KANK4: variants seen among roughly 807,000 people sequenced by gnomAD.
KANK4 encodes the protein KN motif and ankyrin repeat domain-containing protein 4.
Under a neutral mutation model 80.8 loss-of-function variants are expected in KANK4, and 50 were observed. The ratio of observed to expected loss-of-function variants is 0.62; its 90% confidence interval spans 0.49 to 0.78. The LOEUF is 0.78. Ranked by LOEUF, KANK4 falls within the 30% of genes least tolerant of loss-of-function variation. The pLI is 0.00. For synonymous variants in KANK4, 465 were observed against 506.9 expected (o/e 0.92, Z 1.11); for missense variants, 1,196 against 1,240.1 (o/e 0.96, Z 0.53).
intron 2 of KANK4, among the ~76,000 whole-genome samples, chr1:62,276,431 TC>T (rs1343663689): frequency 6.6e-6 from 1 of 152,116 alleles, no homozygotes; most frequent in Non-Finnish European, 1.5e-5. Flanking sequence ...TACTTAGCCT[TC>T]CTATGTCTCA....
chr1:62,247,812 C>T (rs1671508413), intron 8 of KANK4, 140 bp from the exon 9 acceptor site: 1 of 697,462 alleles, frequency 1.4e-6, no homozygotes, highest in African/African-American at 1.8e-5. Flanking sequence ...TGGGACATAA[C>T]CTTCTCTGCT....
At chr1:62,269,144 C>A (rs1350674269) in intron 4 of KANK4, among the ~76,000 whole-genome samples, 3 of 152,258 alleles carry the variant, frequency 2.0e-5, no homozygotes, top group African/African-American at 7.2e-5. Context: ...GCACAGGCCA[C>A]TTGACTCGTG....
At chr1:62,246,045 C>T (rs888191958) in intron 9 of KANK4, among the ~76,000 whole-genome samples, 1 of 152,098 alleles carries the variant, frequency 6.6e-6, no homozygotes, top group African/African-American at 2.4e-5. Context: ...CATTTGATGC[C>T]TCCGTCTCCT....
intron 8 of KANK4, among the ~76,000 whole-genome samples, chr1:62,249,962 C>T (rs1671572611): frequency 6.6e-6 from 1 of 151,878 alleles, no homozygotes. Context: ...CATGAGCCAC[C>T]GTGCCTGACT....
At chr1:62,246,413 A>C (rs945905241) in intron 9 of KANK4, among the ~76,000 whole-genome samples, 5 of 152,156 alleles carry the variant, frequency 3.3e-5, no homozygotes, top group Non-Finnish European at 7.3e-5. Context: ...CCTGCTGGAC[A>C]GCAGAGCTTC....
At chr1:62,247,943 C>T (rs898294088) in intron 8 of KANK4, among the ~76,000 whole-genome samples, 2 of 152,146 alleles carry the variant, frequency 1.3e-5, no homozygotes, top group Admixed American at 1.3e-4. Context: ...AACTTGTCAA[C>T]TTCTCTTTCT....
chr1:62,289,060 C>T (rs1251983093), intron 1 of KANK4, among the ~76,000 whole-genome samples: 1 of 152,164 alleles, frequency 6.6e-6, no homozygotes, highest in Non-Finnish European at 1.5e-5. Context: ...TTGTCCAACT[C>T]GCCTTATTTT....
At position 62,247,519 on chromosome 1, in the gene KANK4, G is replaced by A. The variant is rs375539552; in HGVS notation, c.2836C>T (p.Arg946Trp). 5.9e-5 allele frequency: 96 copies of A among 1,613,958 alleles called. No individual in the cohort carries two copies. Among genetic ancestry groups the A allele is most frequent in the Non-Finnish European group, 8.0e-5 (94 of 1,180,012 alleles). ...ACHHGNVDLV[R>W]LLLAHPACDS... is the part of the protein sequence containing the mutation. ...CAGGCTGGGTGTGCCAGGAGCAGCC[G>A]CACCAGGTCCACGTTGCCATGGTGA... Residue 946 changes from arginine (R) to tryptophan (W), a missense_variant, in exon 9 of 10, where the codon CGG (arginine) becomes TGG (tryptophan). By Grantham distance (101) the Arg-to-Trp change is moderately radical. Transcript: ENST00000371153.
rs1324699941 is a variant in KANK4, at chr1:62,273,401, TG to T, written c.1702del (p.Gln568ArgfsTer37). On this transcript the variant is annotated frameshift_variant, in exon 3 of 10. Coordinates refer to ENST00000371153, the MANE Select transcript of KANK4 (RefSeq NM_181712.5). LOFTEE classifies it high-confidence loss of function. ...ATIGQYVKKI[Q>X]ELLQEQWNCL... is the part of the protein sequence containing the mutation. ...GTTCCACTGCTCCTGCAGGAGCTCC[TG>T]GATCTTCTTCACATACTGCCCAATA... 1 of 1,608,818 alleles carries T rather than the reference TG, an allele frequency of 6.2e-7. No homozygotes were observed. Among genetic ancestry groups the T allele is most frequent in the Non-Finnish European group, 8.5e-7 (1 of 1,176,626 alleles).
intron 1 of KANK4, among the ~76,000 whole-genome samples, chr1:62,306,265 C>T (rs778609934): frequency 6.6e-6 from 1 of 152,192 alleles, no homozygotes; most frequent in Non-Finnish European, 1.5e-5. Flanking sequence ...ATTGGGATTA[C>T]AGGCATGAGT....
At chr1:62,256,580 T>C (rs927943662) in intron 7 of KANK4, among the ~76,000 whole-genome samples, 4 of 152,082 alleles carry the variant, frequency 2.6e-5, no homozygotes, top group African/African-American at 7.2e-5. Flanking sequence ...ATGGGGTTTC[T>C]CCATGTTGGT....
chr1:62,286,522 T>TTCCGAGGAACACATCTAGAGACA (rs1672568122), intron 1 of KANK4, among the ~76,000 whole-genome samples: 2 of 152,254 alleles, frequency 1.3e-5, no homozygotes, highest in East Asian at 1.9e-4. Flanking sequence ...CTGCCATCGC[T>TTCCGAGGAACACATCTAGAGACA]TCCGAGGAAC....
rs1231837358 is a variant in KANK4 at position 62,274,143 on chromosome 1, T to C, written c.961A>G (p.Arg321Gly). The C allele has an allele frequency of 1.2e-6, 2 of 1,614,136 alleles. No homozygotes were observed. Among genetic ancestry groups the C allele is most frequent in the South Asian group, 2.2e-5 (2 of 91,072 alleles). Reference protein sequence around the residue: ...PPPPPVEVDMRSIGIRVTEES... With the variant: ...PPPPPVEVDMGSIGIRVTEES... Reference sequence around the variant, plus strand: ...TCAGTTACCCTGATGCCAATGCTTCTCATGTCCACCTCTACAGGTGGCGGG... The same window carrying C: ...TCAGTTACCCTGATGCCAATGCTTCCCATGTCCACCTCTACAGGTGGCGGG... The change falls in exon 3 of 10, where the codon AGA becomes GGA. Residue 321 changes from arginine to glycine, a missense_variant. Physicochemically the swap from Arg to Gly is moderately radical, Grantham distance 125. This residue lies in a region of KANK4 where 1,154 missense variants were observed against 1,179.6 expected (regional missense o/e 0.98). Transcript: ENST00000371153.
intron 1 of KANK4, among the ~76,000 whole-genome samples, chr1:62,290,489 G>A (rs964764932): frequency 6.6e-6 from 1 of 152,312 alleles, no homozygotes; most frequent in African/African-American, 2.4e-5. Context: ...TCAGTACACC[G>A]TGTGAAGACC....
At chr1:62,297,336 T>G (rs968803074) in intron 1 of KANK4, among the ~76,000 whole-genome samples, 1 of 152,172 alleles carries the variant, frequency 6.6e-6, no homozygotes, top group Non-Finnish European at 1.5e-5. Context: ...ATTGTACAAA[T>G]GCTAACTTAT....
intron 1 of KANK4, among the ~76,000 whole-genome samples, chr1:62,317,748 A>T (rs746058384): frequency 6.6e-6 from 1 of 152,152 alleles, no homozygotes; most frequent in Non-Finnish European, 1.5e-5. Context: ...AGAACTCAGC[A>T]CTGGAGAATT....
At chr1:62,284,368 G>A (rs1157756053) in intron 1 of KANK4, among the ~76,000 whole-genome samples, 1 of 152,168 alleles carries the variant, frequency 6.6e-6, no homozygotes, top group East Asian at 1.9e-4. Context: ...TTGACATAAA[G>A]CCATTTCTTT....
chr1:62,287,459 A>G (rs1672594373), intron 1 of KANK4, among the ~76,000 whole-genome samples: 2 of 152,256 alleles, frequency 1.3e-5, no homozygotes, highest in South Asian at 4.2e-4. Flanking sequence ...TTCCTGTCTA[A>G]CCCATGCTGA....
chr1:62,269,381 G>T (rs1247688618), intron 4 of KANK4, among the ~76,000 whole-genome samples: 1 of 152,160 alleles, frequency 6.6e-6, no homozygotes, highest in Non-Finnish European at 1.5e-5. Context: ...ACCCCCTAAG[G>T]ACCCTTCTCT....
Sources: allele counts gnomAD v4.1 joint callset (sites outside exome capture counted in the v4.1 genomes callset), GRCh38; gene constraint gnomAD v4.1.1; regional missense constraint gnomAD v4.1.1; transcripts MANE v1.5; gene names NCBI Gene and HGNC (gene_info 2026-07-23, HGNC 2026-07-21).